The following PCDH15 variants were observed in gnomAD, a reference collection of about 807,000 sequenced individuals.
The protein encoded by PCDH15 is protocadherin-15.
PCDH15 carries 129 observed loss-of-function variants against 178.5 expected under a neutral mutation model. The observed-to-expected ratio is 0.72, with a 90% CI of 0.63 to 0.84. The LOEUF (loss-of-function observed/expected upper bound fraction) is 0.84. Ranked by LOEUF, PCDH15 falls within the 40% of genes least tolerant of loss-of-function variation. PCDH15 has a pLI of 0.00. For synonymous variants in PCDH15, 800 were observed against 732.0 expected (o/e 1.09, Z -1.50); for missense variants, 2,230 against 2,099.9 (o/e 1.06, Z -1.21).
chr10:55,392,942 T>C (rs1029771964), intron 2 of PCDH15, among the ~76,000 whole-genome samples: 1 of 151,744 alleles, frequency 6.6e-6, no homozygotes, highest in African/African-American at 2.4e-5. Context: ...GAGAAATCCA[T>C]AGCATGCAGC....
At chr10:54,467,368 G>A (rs2077588937) in intron 3 of PCDH15, among the ~76,000 whole-genome samples, 1 of 151,650 alleles carries the variant, frequency 6.6e-6, no homozygotes, top group African/African-American at 2.4e-5. Context: ...CTTAAAGGAT[G>A]TTAAATTTTC....
rs779106698 is a variant in PCDH15 at position 55,039,061 on chromosome 10, T to A, written c.-80+127515A>T. Among the ~76,000 whole-genome samples the A allele has an allele frequency of 9.2e-5, 14 of 152,248 alleles. 1 individual carries two copies. The highest frequency in any genetic ancestry group is 1.9e-4 in the Non-Finnish European group (13 of 68,010). ...AAATTTTCTCATTAATTATCCCATA[T>A]CTCAACATCTCTTCTTTACCATCCA... On this transcript the variant is annotated intron_variant, in intron 2 of 5. Coordinates refer to the PCDH15 transcript ENST00000458638.
At chr10:55,204,411 C>T (rs1221256631) in intron 1 of PCDH15, among the ~76,000 whole-genome samples, 1 of 151,610 alleles carries the variant, frequency 6.6e-6, no homozygotes, top group Non-Finnish European at 1.5e-5. Context: ...AAATATAAAA[C>T]TCTTCCTTGA....
rs959852884 is a variant in PCDH15 at position 55,381,319 on chromosome 10, A to G, written c.-155-214668T>C. ...AGTCTGGTTAGTTGAGCCAGTACAT[A>G]GCAGACAACTTGAAACCAAAAATAA... On this transcript the variant is annotated intron_variant, in intron 2 of 5. Coordinates refer to the PCDH15 transcript ENST00000613346. Among the ~76,000 whole-genome samples the G allele has an allele frequency of 1.3e-4, 20 of 152,350 alleles. 1 individual carries two copies. The highest frequency in any genetic ancestry group is 1.3e-3 in the Admixed American group (20 of 15,296).
At chr10:55,109,713 T>A (rs1363555828) in intron 2 of PCDH15, among the ~76,000 whole-genome samples, 2 of 152,108 alleles carry the variant, frequency 1.3e-5, no homozygotes, top group African/African-American at 4.8e-5. Context: ...TGTACAAGTA[T>A]GTTGAAGTTA....
rs1589070212 is a variant in PCDH15, at chr10:55,483,781, A to T, written c.-156+143844T>A. On this transcript the variant is annotated intron_variant, in intron 2 of 5. Coordinates refer to the PCDH15 transcript ENST00000613346. ...CAGTGAGTTGAGATCATGCCACTGT[A>T]GTACAGCCTGGGTGAAAGAGTGAGA... 5.4e-5 allele frequency among the ~76,000 whole-genome samples: 8 copies of T among 149,104 alleles called. No homozygotes were observed. The South Asian group carries it at 1.7e-3, about 33-fold the overall frequency.
chr10:53,925,692 C>T (rs1029238631), intron 25 of PCDH15, among the ~76,000 whole-genome samples: 1 of 152,160 alleles, frequency 6.6e-6, no homozygotes. Flanking sequence ...TTCCATATTT[C>T]CTTTATATTT....
chr10:54,480,498 T>C (rs372097727), intron 3 of PCDH15, among the ~76,000 whole-genome samples: 1 of 152,032 alleles, frequency 6.6e-6, no homozygotes, highest in African/African-American at 2.4e-5. Context: ...AAAAAAAGTG[T>C]TATTTGCTAC....
intron 2 of PCDH15, among the ~76,000 whole-genome samples, chr10:55,027,994 C>CA (rs138388965): frequency 0.054 from 8,177 of 151,788 alleles, 314 homozygotes; most frequent in Non-Finnish European, 0.081. Context: ...CATGCAACCA[C>CA]AAAAAACTCA....
chr10:54,686,425 A>G (rs1383696341), intron 1 of PCDH15, among the ~76,000 whole-genome samples: 1 of 152,098 alleles, frequency 6.6e-6, no homozygotes, highest in African/African-American at 2.4e-5. Flanking sequence ...AGCAAAAAGA[A>G]GTCCTCATTA....
At chr10:55,263,988 C>G (rs1032382935) in intron 1 of PCDH15, among the ~76,000 whole-genome samples, 1 of 105,728 alleles carries the variant, frequency 9.5e-6, no homozygotes, top group East Asian at 4.9e-4. Flanking sequence ...CCCGCCTCGG[C>G]CTCCCAAAGT....
intron 1 of PCDH15, among the ~76,000 whole-genome samples, chr10:54,729,400 C>G (rs1943030852): frequency 6.6e-6 from 1 of 151,260 alleles, no homozygotes; most frequent in Admixed American, 6.6e-5. Flanking sequence ...TTTCCTTTCA[C>G]CACATATAAA....
intron 1 of PCDH15, among the ~76,000 whole-genome samples, chr10:54,670,026 C>A (rs939537814): frequency 6.6e-6 from 1 of 151,962 alleles, no homozygotes; most frequent in East Asian, 1.9e-4. Context: ...TGCACTTCAG[C>A]CTGAGCGACA....
chr10:54,731,555 T>TACACAC (rs1473837449), intron 1 of PCDH15, among the ~76,000 whole-genome samples: 2 of 45,608 alleles, frequency 4.4e-5, no homozygotes, highest in African/African-American at 1.4e-4. Flanking sequence ...GATATATATA[T>TACACAC]ATATATATAC....
intron 3 of PCDH15, among the ~76,000 whole-genome samples, chr10:54,821,941 G>C (rs1953048541): frequency 1.3e-5 from 2 of 152,008 alleles, no homozygotes; most frequent in African/African-American, 4.8e-5. Flanking sequence ...TCCCTCCCAG[G>C]GGTTTAGAAG....
chr10:55,097,550 G>A (rs911511687), intron 2 of PCDH15, among the ~76,000 whole-genome samples: 1 of 152,128 alleles, frequency 6.6e-6, no homozygotes, highest in African/African-American at 2.4e-5. Context: ...TAAATTAAAG[G>A]ATAGAAAACT....
At chr10:54,630,468 G>C (rs998737180) in intron 2 of PCDH15, among the ~76,000 whole-genome samples, 1 of 152,144 alleles carries the variant, frequency 6.6e-6, no homozygotes, top group Non-Finnish European at 1.5e-5. Context: ...ATATGCAGAA[G>C]AATGAAACTG....
At chr10:54,488,634 G>T (rs1038168877) in intron 3 of PCDH15, among the ~76,000 whole-genome samples, 1 of 151,882 alleles carries the variant, frequency 6.6e-6, no homozygotes, top group Non-Finnish European at 1.5e-5. Flanking sequence ...GAAGAATTGT[G>T]TATGAAAAGA....
At chr10:54,824,383 G>A (rs917794965) in intron 3 of PCDH15, among the ~76,000 whole-genome samples, 3 of 152,104 alleles carry the variant, frequency 2.0e-5, no homozygotes, top group Non-Finnish European at 4.4e-5. Flanking sequence ...GAACAACTGT[G>A]GAAAAGATGT....
Sources: gnomAD v4.1 joint callset for allele counts (sites outside exome capture counted in the v4.1 genomes callset) on GRCh38, gnomAD v4.1.1 for gene constraint, MANE v1.5 for transcripts, NCBI Gene and HGNC (gene_info 2026-07-23, HGNC 2026-07-21) for gene names.